The following ALK variants were observed in gnomAD, a reference collection of about 807,000 sequenced individuals.
ALK encodes the protein ALK tyrosine kinase receptor.
A neutral mutation model predicts 163.1 loss-of-function variants in ALK; 74 were observed. The observed-to-expected ratio is 0.45, with a 90% CI of 0.38 to 0.55. The LOEUF (loss-of-function observed/expected upper bound fraction) is 0.55, where lower values mean the gene tolerates loss of function less well. Ranked by LOEUF, ALK falls within the 20% of genes least tolerant of loss-of-function variation. The pLI is 0.00. For synonymous variants in ALK, 960 were observed against 843.2 expected (o/e 1.14, Z -2.40); for missense variants, 2,063 against 2,105.3 (o/e 0.98, Z 0.39).
rs1402836708 is a variant in ALK, at chr2:29,222,400, A to T, written c.3459T>A (p.Pro1153=). The T allele has an allele frequency of 2.1e-5, 34 of 1,613,196 alleles. No individual in the cohort carries two copies. The highest frequency in any genetic ancestry group is 2.7e-5 in the Non-Finnish European group (32 of 1,179,408). Residue 1153 remains proline, a synonymous_variant, in exon 22 of 29, where the codon CCT becomes CCA. Coordinates refer to ENST00000389048, the MANE Select transcript of ALK (RefSeq NM_004304.5). ...GTTCGTCCTGTTCAGAGCACACTTCAGGCAGCGTCTGGGCAGAGAAGGGGA... is the reference window on the plus strand; with the variant it reads ...GTTCGTCCTGTTCAGAGCACACTTCTGGCAGCGTCTGGGCAGAGAAGGGGA... ...SPLQVAVKTL[P]EVCSEQDELD...
rs373833989 is a variant in ALK at position 29,296,968 on chromosome 2, C to A, written c.1737G>T (p.Arg579Ser). 1 of 1,614,110 alleles carries A rather than the reference C, an allele frequency of 6.2e-7. No individual in the cohort carries two copies. The highest frequency in any genetic ancestry group is 1.3e-5 in the African/African-American group (1 of 74,944). The change falls in exon 9 of 29, where the codon AGG becomes AGT. Residue 579 changes from arginine (R) to serine (S), a missense_variant. This residue lies in a region of ALK where 987 missense variants were observed against 939.5 expected (regional missense o/e 1.05). Coordinates refer to ENST00000389048, the MANE Select transcript of ALK (RefSeq NM_004304.5). ...VENKTGKEQG[R>S]MVWHVAAYEG... is the part of the protein sequence containing the mutation. Reference sequence around the variant, plus strand: ...CATAGGCGGCGACATGCCAGACCATCCTGCCTTGCTCCTTCCCGGTTTTGT... The same window carrying A: ...CATAGGCGGCGACATGCCAGACCATACTGCCTTGCTCCTTCCCGGTTTTGT...
intron 1 of ALK, among the ~76,000 whole-genome samples, chr2:29,764,600 G>A (rs779743565): frequency 1.3e-5 from 2 of 152,294 alleles, no homozygotes; most frequent in Non-Finnish European, 2.9e-5. Flanking sequence ...AATGGATCTT[G>A]CCTGCTTATG....
chr2:29,263,289 AAG>A (rs1665134673), intron 11 of ALK, among the ~76,000 whole-genome samples: 2 of 152,116 alleles, frequency 1.3e-5, no homozygotes, highest in African/African-American at 2.4e-5. Context: ...ACTAGCATCT[AAG>A]AGAGAGGCAA....
At chr2:29,808,390 T>C (rs1664672288) in intron 1 of ALK, among the ~76,000 whole-genome samples, 1 of 152,212 alleles carries the variant, frequency 6.6e-6, no homozygotes. Flanking sequence ...TCTGAAGCTC[T>C]GGATCCCAAG....
chr2:29,495,259 G>T (rs1671996806), intron 4 of ALK, among the ~76,000 whole-genome samples: 1 of 152,140 alleles, frequency 6.6e-6, no homozygotes, highest in African/African-American at 2.4e-5. Flanking sequence ...CTGCCTCCCT[G>T]GCTCTCTGGC....
chr2:29,473,288 G>A (rs1018095836), intron 4 of ALK, among the ~76,000 whole-genome samples: 1 of 152,126 alleles, frequency 6.6e-6, no homozygotes, highest in Non-Finnish European at 1.5e-5. Context: ...CAACATAAAT[G>A]AGCCTATACC....
At chr2:29,221,252 C>T (rs778734828) in intron 22 of ALK, 1 of 528,140 alleles carries the variant, frequency 1.9e-6, no homozygotes, top group South Asian at 1.5e-5. Context: ...GTGAGACTTG[C>T]CAAGTGACAG....
At chr2:29,593,722 A>G (rs1675124261) in intron 3 of ALK, among the ~76,000 whole-genome samples, 1 of 152,224 alleles carries the variant, frequency 6.6e-6, no homozygotes, top group South Asian at 2.1e-4. Flanking sequence ...GTAGAAACCA[A>G]AAAGTTCAGA....
intron 4 of ALK, among the ~76,000 whole-genome samples, chr2:29,395,062 G>C (rs1669270684): frequency 6.6e-6 from 1 of 152,160 alleles, no homozygotes; most frequent in South Asian, 2.1e-4. Flanking sequence ...GGATTTCCCA[G>C]TCCTAGAAGC....
intron 4 of ALK, among the ~76,000 whole-genome samples, chr2:29,393,306 C>T (rs1669225007): frequency 2.6e-5 from 4 of 152,180 alleles, no homozygotes; most frequent in Non-Finnish European, 5.9e-5. Context: ...CCTCTTTCTC[C>T]CTTGAAGTGA....
intron 3 of ALK, among the ~76,000 whole-genome samples, chr2:29,557,107 G>A (rs993503095): frequency 2.6e-5 from 4 of 152,122 alleles, no homozygotes; most frequent in Non-Finnish European, 1.5e-5. Flanking sequence ...CTAGTACTGT[G>A]TAGGTTCTGA....
At chr2:29,716,924 C>T (rs909585710) in intron 2 of ALK, among the ~76,000 whole-genome samples, 2 of 143,546 alleles carry the variant, frequency 1.4e-5, no homozygotes, top group African/African-American at 5.2e-5. Flanking sequence ...GCAGGCGGAT[C>T]ACGAGGTCAG....
intron 4 of ALK, among the ~76,000 whole-genome samples, chr2:29,500,303 G>C (rs1009569272): frequency 6.6e-6 from 1 of 152,058 alleles, no homozygotes; most frequent in African/African-American, 2.4e-5. Context: ...CACAAAGTTT[G>C]GTTGTTTAAA....
Position 29,193,425 on chromosome 2 carries a change from T to G in ALK, c.4662A>C (p.Ser1554=), listed in dbSNP as rs1417400257. ...NVATGRLPGA[S]LLLEPSSLTA... ...TCAGCGAAGAGGGCTCTAGGAGCAG[T>G]GAGGCCCCCGGAAGTCTCCCAGTTG... The change falls in exon 29 of 29, where the codon TCA becomes TCC. Residue 1554 remains serine, a synonymous_variant. Transcript: ENST00000389048. 1 of 1,614,180 alleles carries G rather than the reference T, an allele frequency of 6.2e-7. No homozygotes were observed. Among genetic ancestry groups the G allele is most frequent in the Non-Finnish European group, 8.5e-7 (1 of 1,180,028 alleles).
intron 4 of ALK, among the ~76,000 whole-genome samples, chr2:29,446,839 A>G (rs1296128220): frequency 6.6e-6 from 1 of 152,214 alleles, no homozygotes; most frequent in African/African-American, 2.4e-5. Flanking sequence ...AGAAGAGTTT[A>G]AACTTTAGTT....
chr2:29,237,003 C>T (rs959484180), intron 13 of ALK, among the ~76,000 whole-genome samples: 4 of 152,192 alleles, frequency 2.6e-5, no homozygotes, highest in African/African-American at 9.6e-5. Flanking sequence ...AGATTTGCTC[C>T]TTCCACAGTG....
intron 3 of ALK, among the ~76,000 whole-genome samples, chr2:29,535,257 G>A (rs986835797): frequency 2.6e-5 from 4 of 152,126 alleles, no homozygotes; most frequent in African/African-American, 7.2e-5. Context: ...CTCATACAGC[G>A]CCACAACCAT....
At chr2:29,510,353 G>T (rs963082470) in intron 4 of ALK, among the ~76,000 whole-genome samples, 1 of 152,154 alleles carries the variant, frequency 6.6e-6, no homozygotes, top group Non-Finnish European at 1.5e-5. Flanking sequence ...ATTAATCAAT[G>T]AATAAACCAA....
At chr2:29,568,359 C>T (rs1674254121) in intron 3 of ALK, among the ~76,000 whole-genome samples, 1 of 152,212 alleles carries the variant, frequency 6.6e-6, no homozygotes, top group East Asian at 1.9e-4. Context: ...GGCATAGTGA[C>T]ATTTTTTCTT....
Sources: gnomAD v4.1 joint callset for allele counts (sites outside exome capture counted in the v4.1 genomes callset) on GRCh38, gnomAD v4.1.1 for gene constraint, gnomAD v4.1.1 regional missense constraint, MANE v1.5 for transcripts, NCBI Gene and HGNC (gene_info 2026-07-23, HGNC 2026-07-21) for gene names.